GABRG2: variants seen among roughly 807,000 people sequenced by gnomAD.
The protein encoded by GABRG2 is gamma-aminobutyric acid type A receptor subunit gamma2.
Under a neutral mutation model 56.4 loss-of-function variants are expected in GABRG2, and 16 were observed. The ratio of observed to expected loss-of-function variants is 0.28; its 90% CI spans 0.19 to 0.43. The LOEUF (loss-of-function observed/expected upper bound fraction) is 0.43, where lower values mean the gene tolerates loss of function less well. Among genes scored for constraint, GABRG2 ranks in the 20% least tolerant of loss-of-function variants. The probability of loss-of-function intolerance (pLI) is 1.00; values close to 1 mark genes in which losing one functional copy is unlikely to be tolerated. For missense variants in GABRG2, 327 were observed against 582.7 expected, an observed-to-expected ratio of 0.56 and a Z score of 4.52; for synonymous variants, 208 against 205.5, an observed-to-expected ratio of 1.01 and a Z score of -0.10.
At chr5:162,097,938 GA>G (rs373227825) in intron 4 of GABRG2, 80 bp downstream of exon 4, 56,910 of 725,546 alleles carry the variant, frequency 0.078, 6 homozygotes, top group South Asian at 0.11. Flanking sequence ...GTCTCTAAAA[GA>G]AAAAAAAAAA....
At chr5:162,125,936 A>C (rs1164245102) in intron 6 of GABRG2, among the ~76,000 whole-genome samples, 1 of 151,970 alleles carries the variant, frequency 6.6e-6, no homozygotes, top group East Asian at 1.9e-4. Flanking sequence ...GATTCATGAA[A>C]TAGATATTAT....
rs957089639 is a variant in GABRG2 at position 162,155,380 on chromosome 5, T to C, written c.*2012T>C. ...TACAAAAAGCTAGCTTTCCAATGTG[T>C]GCATAGTATTGGCAATATGAATATA... is the stretch of plus-strand genomic sequence containing the variant. On this transcript the variant is annotated 3_prime_UTR_variant, in exon 10 of 10. Coordinates refer to ENST00000639213, the MANE Select transcript of GABRG2 (RefSeq NM_198904.4). The C allele has an allele frequency of 6.6e-6, 1 of 152,556 alleles. No homozygotes were observed. Among genetic ancestry groups the C allele is most frequent in the Admixed American group, 6.6e-5 (1 of 15,234 alleles). The allele number at this position is 152,556 out of a possible 1,614,324, so 9.5% of individuals were successfully genotyped here.
rs570309024 is a variant in GABRG2, at chr5:162,092,961, G to A, written c.108-867G>A. Among the ~76,000 whole-genome samples the A allele has an allele frequency of 7.2e-4, 109 of 152,200 alleles. 1 individual carries two copies. Among genetic ancestry groups the A allele is most frequent in the African/African-American group, 2.5e-3 (102 of 41,536 alleles). On this transcript the variant is annotated intron_variant, in intron 1 of 9. Coordinates refer to ENST00000639213, the MANE Select transcript of GABRG2 (RefSeq NM_198904.4). ...ATCATCATCTTGGCGGGGTTGCCTT[G>A]GGACTTGGGTTAGGGGGAGAGGTAA...
chr5:162,118,363 A>G (rs1446180416), intron 6 of GABRG2, among the ~76,000 whole-genome samples: 5 of 152,086 alleles, frequency 3.3e-5, no homozygotes, highest in East Asian at 3.9e-4. Context: ...CTCTAACCTA[A>G]TATGTCTAGT....
At chr5:162,151,064 A>T (rs1266762680) in intron 8 of GABRG2, 1 of 152,296 alleles carries the variant, frequency 6.6e-6, no homozygotes, top group African/African-American at 2.4e-5. Flanking sequence ...TGGCTTTCAA[A>T]CAAGTTCTGA....
chr5:162,097,396 C>T (rs763627596), intron 3 of GABRG2, among the ~76,000 whole-genome samples: 2 of 152,112 alleles, frequency 1.3e-5, no homozygotes, highest in East Asian at 3.9e-4. Flanking sequence ...TGTATCAAGG[C>T]TATCCTCTTT....
chr5:162,153,966 A>G lies in GABRG2; in HGVS notation c.*598A>G, dbSNP rs1468583368. ...TAGTGCATGCATCTCTTTAGATCCA[A>G]AATAAATGGACTGAAGTTATCATCC... On this transcript the variant is annotated 3_prime_UTR_variant, in exon 10 of 10. Transcript: ENST00000639213. 6.5e-6 allele frequency: 1 copy of G among 154,916 alleles called. No individual in the cohort carries two copies. The highest frequency in any genetic ancestry group is 1.4e-5 in the Non-Finnish European group (1 of 69,576). 9.6% of individuals were successfully genotyped at this position (154,916 alleles called of 1,614,324 possible).
At chr5:162,102,789 A>ATC in intron 5 of GABRG2, 1 of 328,544 alleles carries the variant, frequency 3.0e-6, no homozygotes, top group South Asian at 2.5e-5. Flanking sequence ...ATACTATCAT[A>ATC]TCTCTCTCCA....
intron 6 of GABRG2, among the ~76,000 whole-genome samples, chr5:162,109,229 C>T (rs1188789726): frequency 6.6e-6 from 1 of 151,370 alleles, no homozygotes; most frequent in Non-Finnish European, 1.5e-5. Flanking sequence ...ACATCACACA[C>T]TGGGGCCTGT....
intron 1 of GABRG2, among the ~76,000 whole-genome samples, chr5:162,068,717 T>A (rs372974439): frequency 1.2e-4 from 18 of 152,224 alleles, no homozygotes; most frequent in Middle Eastern, 3.4e-3. Flanking sequence ...GCCAAAGGGA[T>A]AGAGGCTTGT....
chr5:162,142,085 C>A, intron 6 of GABRG2, 79 bp from the exon 7 acceptor site: 2 of 1,445,456 alleles, frequency 1.4e-6, no homozygotes, highest in African/African-American at 1.4e-5. Flanking sequence ...GTGTGCATAA[C>A]CATTAAATAC....
intron 6 of GABRG2, among the ~76,000 whole-genome samples, chr5:162,141,718 G>A (rs1764581406): frequency 1.3e-5 from 2 of 152,248 alleles, no homozygotes; most frequent in South Asian, 4.2e-4. Flanking sequence ...TTAGTGTCAA[G>A]CACCAGGATA....
chr5:162,115,741 C>A (rs1293004538), intron 6 of GABRG2, among the ~76,000 whole-genome samples: 1 of 151,996 alleles, frequency 6.6e-6, no homozygotes, highest in Non-Finnish European at 1.5e-5. Context: ...ATTTATTAGC[C>A]TATTATTTTG....
chr5:162,126,606 T>C (rs1015127112), intron 6 of GABRG2, among the ~76,000 whole-genome samples: 7 of 151,926 alleles, frequency 4.6e-5, no homozygotes, highest in African/African-American at 1.7e-4. Context: ...TAATTCCAAA[T>C]ACCTTAGCAT....
intron 6 of GABRG2, among the ~76,000 whole-genome samples, chr5:162,132,849 G>C (rs980783972): frequency 6.6e-6 from 1 of 151,978 alleles, no homozygotes. Flanking sequence ...AATTAGATCT[G>C]TTAGTGTCAC....
intron 8 of GABRG2, 143 bp downstream of exon 8, chr5:162,149,456 G>A (rs1765203118): frequency 1.4e-5 from 11 of 776,198 alleles, no homozygotes; most frequent in African/African-American, 5.1e-5. Flanking sequence ...AGGCCATAAC[G>A]ATTCATTTAC....
intron 1 of GABRG2, among the ~76,000 whole-genome samples, chr5:162,070,962 AT>A (rs1445796681): frequency 6.6e-6 from 1 of 151,648 alleles, no homozygotes; most frequent in Non-Finnish European, 1.5e-5. Context: ...AGGTGTTTTG[AT>A]TATTCATACT....
intron 7 of GABRG2, among the ~76,000 whole-genome samples, chr5:162,148,193 C>T (rs1765101543): frequency 6.6e-6 from 1 of 152,160 alleles, no homozygotes; most frequent in Non-Finnish European, 1.5e-5. Context: ...AAAGTATGAG[C>T]TTTGAAATCA....
chr5:162,130,991 A>G (rs1200479957), intron 6 of GABRG2, among the ~76,000 whole-genome samples: 3 of 152,016 alleles, frequency 2.0e-5, no homozygotes, highest in Non-Finnish European at 4.4e-5. Context: ...TATGAGATCC[A>G]TTCAATAAGA....
Sources: gnomAD v4.1 joint callset for allele counts (sites outside exome capture counted in the v4.1 genomes callset) on GRCh38, gnomAD v4.1.1 for gene constraint, MANE v1.5 for transcripts, NCBI Gene and HGNC (gene_info 2026-07-23, HGNC 2026-07-21) for gene names.